Variants in ARHGAP21 observed in about 807,000 individuals in gnomAD.
ARHGAP21 encodes the protein rho GTPase-activating protein 21.
ARHGAP21 carries 38 observed loss-of-function variants against 164.6 expected under a neutral mutation model. That is an observed-to-expected ratio of 0.23 (90% CI 0.18 to 0.30). The LOEUF is 0.30. Ranked by LOEUF, ARHGAP21 falls within the 10% of genes least tolerant of loss-of-function variation. The pLI is 1.00. For missense variants in ARHGAP21, 1,822 were observed against 2,370.7 expected (o/e 0.77, Z 4.81); for synonymous variants, 766 against 857.9 (o/e 0.89, Z 1.87).
At chr10:24,612,077 TA>T (rs1369276942) in intron 9 of ARHGAP21, among the ~76,000 whole-genome samples, 2 of 152,198 alleles carry the variant, frequency 1.3e-5, no homozygotes, top group Non-Finnish European at 2.9e-5. Flanking sequence ...AAGAAGCATA[TA>T]ATTAATGTAC....
chr10:24,682,457 C>G (rs1297615238), intron 2 of ARHGAP21, among the ~76,000 whole-genome samples: 1 of 152,094 alleles, frequency 6.6e-6, no homozygotes, highest in Non-Finnish European at 1.5e-5. Context: ...TATCCATAGT[C>G]CTAATGCCAC....
chr10:24,671,884 A>ATTTTT (rs35692163), intron 2 of ARHGAP21, among the ~76,000 whole-genome samples: 7 of 82,496 alleles, frequency 8.5e-5, no homozygotes, highest in Admixed American at 3.0e-4. Context: ...CATCAAGCTA[A>ATTTTT]TTTTTTTTTT....
chr10:24,669,431 A>G (rs1025945033), intron 3 of ARHGAP21, among the ~76,000 whole-genome samples: 8 of 152,210 alleles, frequency 5.3e-5, no homozygotes, highest in African/African-American at 1.9e-4. Context: ...TGGCCTGGCC[A>G]GGGTCTCGTA....
chr10:24,686,605 T>C (rs1208352470), intron 2 of ARHGAP21, among the ~76,000 whole-genome samples: 2 of 152,094 alleles, frequency 1.3e-5, no homozygotes, highest in African/African-American at 4.8e-5. Context: ...AGCAAAAATA[T>C]AAAACTCCCC....
chr10:24,627,999 T>C (rs749924967), intron 7 of ARHGAP21, among the ~76,000 whole-genome samples: 19 of 152,232 alleles, frequency 1.2e-4, no homozygotes, highest in Non-Finnish European at 2.6e-4. Flanking sequence ...ATAAGCTGAT[T>C]CTGTCTTCAA....
chr10:24,606,536 ATTG>A (rs558245661), intron 11 of ARHGAP21, among the ~76,000 whole-genome samples: 55 of 152,314 alleles, frequency 3.6e-4, no homozygotes, highest in African/African-American at 1.0e-3. Context: ...GCTTTTCTAT[ATTG>A]TTGGTGGGAA....
chr10:24,700,768 C>G (rs2132116227), intron 2 of ARHGAP21, among the ~76,000 whole-genome samples: 1 of 152,252 alleles, frequency 6.6e-6, no homozygotes, highest in East Asian at 1.9e-4. Context: ...TAAAGAAAAA[C>G]AAATTAAGTA....
chr10:24,674,467 G>A (rs989802547), intron 2 of ARHGAP21, among the ~76,000 whole-genome samples: 10 of 152,148 alleles, frequency 6.6e-5, no homozygotes, highest in Non-Finnish European at 8.8e-5. Flanking sequence ...GTTGCAGCAA[G>A]CCGAGATCAT....
chr10:24,625,177 A>G (rs1420737741), intron 7 of ARHGAP21, among the ~76,000 whole-genome samples: 1 of 150,670 alleles, frequency 6.6e-6, no homozygotes, highest in East Asian at 2.0e-4. Context: ...GATCTTGATT[A>G]TATGTACAAT....
chr10:24,617,781 G>GT (rs1834122386), intron 9 of ARHGAP21, among the ~76,000 whole-genome samples: 3 of 152,062 alleles, frequency 2.0e-5, no homozygotes, highest in Non-Finnish European at 2.9e-5. Flanking sequence ...CTTTAAAAAT[G>GT]TTCCCGTAGA....
chr10:24,636,911 A>C (rs1342568305), intron 4 of ARHGAP21, among the ~76,000 whole-genome samples: 1 of 152,234 alleles, frequency 6.6e-6, no homozygotes, highest in African/African-American at 2.4e-5. Context: ...TGTTTGTTGT[A>C]TATCTCTCTA....
At position 24,597,983 on chromosome 10, in the gene ARHGAP21, T is replaced by G; in HGVS notation, c.3159A>C (p.Leu1053=). ...EEDTGVTNRD[L]ISRRIKEYNN... ...TGTATTCTTTTATTCTTCGACTAAT[T>G]AGATCCCTGTTAGTGACTCCAGTGT... is the stretch of plus-strand genomic sequence containing the variant. The change falls in exon 15 of 26, where the codon CTA becomes CTC. Residue 1053 remains leucine (L), a synonymous_variant. Coordinates refer to ENST00000396432, the MANE Select transcript of ARHGAP21 (RefSeq NM_020824.4). 3.7e-6 allele frequency: 6 copies of G among 1,613,368 alleles called. No homozygotes were observed. The highest frequency in any genetic ancestry group is 4.2e-6 in the Non-Finnish European group (5 of 1,179,542).
intron 4 of ARHGAP21, among the ~76,000 whole-genome samples, chr10:24,652,215 T>C (rs904933726): frequency 2.0e-5 from 3 of 152,230 alleles, no homozygotes; most frequent in African/African-American, 4.8e-5. Context: ...ATACAATTTA[T>C]GATCAAGGTG....
At chr10:24,683,381 T>G (rs1029231821) in intron 2 of ARHGAP21, among the ~76,000 whole-genome samples, 2 of 152,234 alleles carry the variant, frequency 1.3e-5, no homozygotes, top group Non-Finnish European at 2.9e-5. Context: ...CACTGATATT[T>G]TCACTATATT....
At chr10:24,680,475 T>C (rs1253566406) in intron 2 of ARHGAP21, among the ~76,000 whole-genome samples, 2 of 152,192 alleles carry the variant, frequency 1.3e-5, no homozygotes, top group Admixed American at 1.3e-4. Flanking sequence ...ATTGAGCTGC[T>C]ATGTCTTGTT....
intron 2 of ARHGAP21, among the ~76,000 whole-genome samples, chr10:24,694,464 T>C (rs1454204966): frequency 6.6e-6 from 1 of 152,232 alleles, no homozygotes; most frequent in Non-Finnish European, 1.5e-5. Flanking sequence ...TCTGGGAGTC[T>C]AGAATGTTGA....
intron 16 of ARHGAP21, 126 bp from the exon 17 acceptor site, chr10:24,597,008 A>G (rs901097498): frequency 5.1e-6 from 5 of 979,106 alleles, no homozygotes; most frequent in African/African-American, 1.7e-5. Flanking sequence ...AATACATCCT[A>G]TATTTAACAA....
At chr10:24,610,692 T>G (rs990254098) in intron 9 of ARHGAP21, among the ~76,000 whole-genome samples, 1 of 152,216 alleles carries the variant, frequency 6.6e-6, no homozygotes, top group African/African-American at 2.4e-5. Context: ...CACTGTTTAT[T>G]GCTTATCAAT....
At chr10:24,710,375 C>A (rs1043960197) in intron 2 of ARHGAP21, among the ~76,000 whole-genome samples, 2 of 152,266 alleles carry the variant, frequency 1.3e-5, no homozygotes, top group Non-Finnish European at 2.9e-5. Context: ...CTAGTTAACT[C>A]CTTCCTCAGT....
Sources: gnomAD v4.1 joint callset for allele counts (sites outside exome capture counted in the v4.1 genomes callset) on GRCh38, gnomAD v4.1.1 for gene constraint, MANE v1.5 for transcripts, NCBI Gene and HGNC (gene_info 2026-07-23, HGNC 2026-07-21) for gene names.